The following ZBTB2 variants were observed in gnomAD, a reference collection of about 807,000 sequenced individuals.
ZBTB2 encodes the protein zinc finger and BTB domain-containing protein 2.
ZBTB2 carries 2 observed loss-of-function variants against 39.5 expected under a neutral mutation model. That is an observed-to-expected ratio of 0.05 (90% CI 0.02 to 0.16). The LOEUF is 0.16. Ranked by LOEUF, ZBTB2 falls within the 10% of genes least tolerant of loss-of-function variation. The pLI, the probability that ZBTB2 is intolerant of heterozygous loss-of-function variation, is 1.00. For synonymous variants in ZBTB2, 251 were observed against 256.6 expected (o/e 0.98, Z 0.21); for missense variants, 391 against 653.0 (o/e 0.60, Z 4.37).
intron 1 of ZBTB2, among the ~76,000 whole-genome samples, chr6:151,391,175 C>T (rs1001266510): frequency 6.6e-6 from 1 of 151,720 alleles, no homozygotes; most frequent in African/African-American, 2.4e-5. Flanking sequence ...GCGCAGCCGC[C>T]GCCGCCCCCG....
intron 2 of ZBTB2, among the ~76,000 whole-genome samples, chr6:151,372,306 T>C (rs542496657): frequency 5.9e-5 from 9 of 152,252 alleles, no homozygotes; most frequent in African/African-American, 1.7e-4. Context: ...GAGAAAAGAC[T>C]GCAGCAGAAT....
At chr6:151,381,347 C>G (rs899786340) in intron 1 of ZBTB2, among the ~76,000 whole-genome samples, 10 of 151,932 alleles carry the variant, frequency 6.6e-5, no homozygotes, top group Non-Finnish European at 1.2e-4. Flanking sequence ...ATGGTGAAAC[C>G]CCGTCTCTAC....
intron 1 of ZBTB2, among the ~76,000 whole-genome samples, chr6:151,383,856 T>C (rs977078982): frequency 6.6e-6 from 1 of 152,206 alleles, no homozygotes; most frequent in Non-Finnish European, 1.5e-5. Context: ...TTTATACACC[T>C]TGCCTGATGC....
At chr6:151,383,199 C>T (rs1161650027) in intron 1 of ZBTB2, among the ~76,000 whole-genome samples, 4 of 152,092 alleles carry the variant, frequency 2.6e-5, no homozygotes, top group African/African-American at 4.8e-5. Flanking sequence ...GGATTACATG[C>T]GTGAGCCACC....
chr6:151,370,916 C>A (rs903109102), intron 2 of ZBTB2, among the ~76,000 whole-genome samples: 2 of 152,194 alleles, frequency 1.3e-5, no homozygotes, highest in Non-Finnish European at 2.9e-5. Context: ...TTGTATTACA[C>A]AAATATCACA....
In ZBTB2 at chr6:151,365,577, C is replaced by A; in HGVS notation, c.1489G>T (p.Asp497Tyr). The change falls in exon 3 of 3, where the codon GAC becomes TAC. Residue 497 changes from aspartate to tyrosine, a missense_variant. Physicochemically the swap from Asp to Tyr is radical, Grantham distance 160 (BLOSUM62 -3). Transcript: ENST00000325144. This position sits in a 1 kb window ranked among gnomAD's most constrained non-coding sequence, Gnocchi z 5.6. Reference protein sequence around the residue: ...GSGDSEVTEPDHPVLASIKKE... With the variant: ...GSGDSEVTEPYHPVLASIKKE... ...TTGATGGAAGCTAACACTGGGTGGT[C>A]AGGCTCCGTTACTTCCGAGTCCCCA... 1 of 1,614,178 alleles carries A rather than the reference C, an allele frequency of 6.2e-7. No homozygotes were observed. The highest frequency in any genetic ancestry group is 1.1e-5 in the South Asian group (1 of 91,076).
chr6:151,390,184 T>C (rs867352785), intron 1 of ZBTB2, among the ~76,000 whole-genome samples: 1 of 151,786 alleles, frequency 6.6e-6, no homozygotes, highest in Non-Finnish European at 1.5e-5. Flanking sequence ...GGGCCCGGCC[T>C]GCAGCCTCAG....
chr6:151,386,859 T>G (rs558186347), intron 1 of ZBTB2, among the ~76,000 whole-genome samples: 2 of 147,082 alleles, frequency 1.4e-5, no homozygotes, highest in South Asian at 4.2e-4. Context: ...GGAGAAATTT[T>G]AGAAATATTT....
chr6:151,371,894 TG>T (rs1258717867), intron 2 of ZBTB2, among the ~76,000 whole-genome samples: 1 of 152,192 alleles, frequency 6.6e-6, no homozygotes, highest in Non-Finnish European at 1.5e-5. Flanking sequence ...GAGTTAAGCT[TG>T]GGATACTTGA....
In ZBTB2 at chr6:151,366,010, G is replaced by A. The variant is rs138283298; in HGVS notation, c.1056C>T (p.Ala352=). ...DIADIDNLEQ[A]DQEREVKRRK... ...GCCTCTTCACCTCCCTCTCCTGGTC[G>A]GCCTGCTCCAGGTTGTCAATGTCAG... Residue 352 remains alanine (A), a synonymous_variant, in exon 3 of 3, where the codon GCC becomes GCT. Transcript: ENST00000325144. The surrounding 1 kb of genome is among the most constrained non-coding windows in gnomAD (Gnocchi z 7.1). 285 of 1,614,036 alleles carry A rather than the reference G, an allele frequency of 1.8e-4. No individual in the cohort carries two copies. Among genetic ancestry groups the A allele is most frequent in the South Asian group, 5.2e-4 (47 of 91,074 alleles).
At position 151,365,497 on chromosome 6, in the gene ZBTB2, G is replaced by A; in HGVS notation, c.*24C>T. 1 of 1,572,244 alleles carries A rather than the reference G, an allele frequency of 6.4e-7. No individual in the cohort carries two copies. Among genetic ancestry groups the A allele is most frequent in the Non-Finnish European group, 8.6e-7 (1 of 1,161,968 alleles). On this transcript the variant is annotated 3_prime_UTR_variant, in exon 3 of 3. Coordinates refer to ENST00000325144, the MANE Select transcript of ZBTB2 (RefSeq NM_020861.3). This position sits in a 1 kb window ranked among gnomAD's most constrained non-coding sequence, Gnocchi z 5.6. ...GAAGATAGTCTTTGTAAAAATGAGA[G>A]TTTTTTAAAAAGATAAGTGACATTC...
At chr6:151,385,040 T>A (rs1159308152) in intron 1 of ZBTB2, among the ~76,000 whole-genome samples, 6 of 151,628 alleles carry the variant, frequency 4.0e-5, no homozygotes, top group African/African-American at 1.5e-4. Context: ...TATATGAACT[T>A]AAAAAAAACC....
chr6:151,365,570 G>A lies in ZBTB2; in HGVS notation c.1496C>T (p.Pro499Leu), dbSNP rs1778626196. The A allele has an allele frequency of 6.2e-7, 1 of 1,614,036 alleles. No homozygotes were observed. Among genetic ancestry groups the A allele is most frequent in the African/African-American group, 1.3e-5 (1 of 74,920 alleles). The part of the protein sequence containing the change: ...GDSEVTEPDH[P>L]VLASIKKEQE... ...TTCCTTTTTGATGGAAGCTAACACT[G>A]GGTGGTCAGGCTCCGTTACTTCCGA... The change falls in exon 3 of 3, where the codon CCA becomes CTA. Residue 499 changes from proline (P) to leucine (L), a missense_variant. Physicochemically the swap from Pro to Leu is moderately conservative, Grantham distance 98. Coordinates refer to ENST00000325144, the MANE Select transcript of ZBTB2 (RefSeq NM_020861.3). This position sits in a 1 kb window ranked among gnomAD's most constrained non-coding sequence, Gnocchi z 5.6.
In ZBTB2 at chr6:151,365,438, G is replaced by A. The variant is rs1778621780; in HGVS notation, c.*83C>T. ...CAAGGACCTGTTTGTATCATGCCAT[G>A]GAGAACTACAGTTCTGAATTCAGGG... is the stretch of plus-strand genomic sequence containing the variant. On this transcript the variant is annotated 3_prime_UTR_variant, in exon 3 of 3. Coordinates refer to ENST00000325144, the MANE Select transcript of ZBTB2 (RefSeq NM_020861.3). This position sits in a 1 kb window ranked among gnomAD's most constrained non-coding sequence, Gnocchi z 5.6. The A allele has an allele frequency of 6.9e-7, 1 of 1,453,086 alleles. No individual in the cohort carries two copies. The highest frequency in any genetic ancestry group is 9.3e-7 in the Non-Finnish European group (1 of 1,075,072). The allele number at this position is 1,453,086 out of a possible 1,614,324, so 90.0% of individuals were successfully genotyped here. A position where few individuals can be genotyped will look rare whatever the true frequency, so the allele number is the denominator to read the frequency against.
chr6:151,390,024 G>T (rs1779248517), intron 1 of ZBTB2, among the ~76,000 whole-genome samples: 1 of 151,940 alleles, frequency 6.6e-6, no homozygotes, highest in African/African-American at 2.4e-5. Context: ...TCCGGTTGGG[G>T]CGTGAGGGCC....
rs370099226 is a variant in ZBTB2 at position 151,369,917 on chromosome 6, C to G, written c.174-3025G>C. ...GAGCGAGACTCCATCTCAAAACAAA[C>G]AAACAAACAAACAAAAAACAGGTAG... On this transcript the variant is annotated intron_variant, in intron 2 of 2. Transcript: ENST00000325144. 8.0e-4 allele frequency among the ~76,000 whole-genome samples: 119 copies of G among 148,404 alleles called. 2 individuals are homozygous for G. Among genetic ancestry groups the G allele is most frequent in the African/African-American group, 2.8e-3 (108 of 37,934 alleles).
intron 2 of ZBTB2, among the ~76,000 whole-genome samples, chr6:151,371,991 A>C (rs1392671707): frequency 6.6e-6 from 1 of 152,232 alleles, no homozygotes; most frequent in Non-Finnish European, 1.5e-5. Flanking sequence ...TCAACTCTAA[A>C]TGCCCAGCAC....
intron 2 of ZBTB2, among the ~76,000 whole-genome samples, chr6:151,371,554 T>C (rs1201974090): frequency 1.3e-5 from 2 of 152,038 alleles, no homozygotes; most frequent in African/African-American, 4.8e-5. Flanking sequence ...AAAGCAGATC[T>C]GGTTAAGGTG....
At chr6:151,383,870 T>C (rs938899036) in intron 1 of ZBTB2, among the ~76,000 whole-genome samples, 2 of 152,204 alleles carry the variant, frequency 1.3e-5, no homozygotes, top group African/African-American at 2.4e-5. Flanking sequence ...CTGATGCTTC[T>C]GGAAAGCTGG....
Sources: gnomAD v4.1 joint callset for allele counts (sites outside exome capture counted in the v4.1 genomes callset) on GRCh38, gnomAD v4.1.1 for gene constraint, Gnocchi (gnomAD v3.1) non-coding constraint, MANE v1.5 for transcripts, NCBI Gene and HGNC (gene_info 2026-07-23, HGNC 2026-07-21) for gene names.